KCNIP1: variants seen among roughly 807,000 people sequenced by gnomAD.
KCNIP1 encodes the protein A-type potassium channel modulatory protein KCNIP1.
A neutral mutation model predicts 33.0 loss-of-function variants in KCNIP1; 18 were observed. The ratio of observed to expected loss-of-function variants is 0.55; its 90% CI spans 0.38 to 0.81. The LOEUF (loss-of-function observed/expected upper bound fraction) is 0.81. Among genes scored for constraint, KCNIP1 ranks in the 30% least tolerant of loss-of-function variants. The pLI, the probability that KCNIP1 is intolerant of heterozygous loss-of-function variation, is 0.00. For missense variants in KCNIP1, 238 were observed against 271.6 expected (o/e 0.88, Z 0.87); for synonymous variants, 93 against 98.3 (o/e 0.95, Z 0.32).
intron 1 of KCNIP1, among the ~76,000 whole-genome samples, chr5:170,509,273 G>T (rs1754839570): frequency 6.6e-6 from 1 of 152,150 alleles, no homozygotes; most frequent in Non-Finnish European, 1.5e-5. Flanking sequence ...AATCACAAAG[G>T]TATGAGGAAC....
intron 1 of KCNIP1, among the ~76,000 whole-genome samples, chr5:170,354,532 G>T (rs1157988408): frequency 6.6e-6 from 1 of 152,168 alleles, no homozygotes; most frequent in African/African-American, 2.4e-5. Context: ...CTGCTTTCTT[G>T]GATCCCTGTC....
In KCNIP1 at chr5:170,508,233, C is replaced by T. The variant is rs377546352; in HGVS notation, c.61+3600C>T. Among the ~76,000 whole-genome samples the T allele has an allele frequency of 9.2e-5, 14 of 152,308 alleles. 1 individual carries two copies. In the East Asian group the frequency reaches 1.9e-3, roughly 21 times the overall value. On this transcript the variant is annotated intron_variant, in intron 1 of 7. Transcript: ENST00000328939. ...AGAACTTTCTGAAAGGGCTGAGCTT[C>T]GGATCTCCAGAATAGTCATAGCATA...
chr5:170,467,779 G>A (rs545996084), intron 1 of KCNIP1, among the ~76,000 whole-genome samples: 3 of 152,106 alleles, frequency 2.0e-5, no homozygotes, highest in East Asian at 3.9e-4. Context: ...TTAGCCAGGT[G>A]TGTTGGCGCC....
At chr5:170,550,769 T>G (rs998097060) in intron 1 of KCNIP1, among the ~76,000 whole-genome samples, 2 of 152,200 alleles carry the variant, frequency 1.3e-5, no homozygotes, top group African/African-American at 4.8e-5. Flanking sequence ...ATGACAATAA[T>G]GGTGATGACA....
chr5:170,356,244 T>C (rs1332337525), intron 1 of KCNIP1, among the ~76,000 whole-genome samples: 1 of 152,278 alleles, frequency 6.6e-6, no homozygotes, highest in Non-Finnish European at 1.5e-5. Flanking sequence ...CACTGAGTTC[T>C]AGATTTGCAG....
intron 1 of KCNIP1, chr5:170,422,601 C>T (rs1246924161): frequency 5.9e-5 from 9 of 152,004 alleles, no homozygotes; most frequent in Admixed American, 5.9e-4. Context: ...AAGATTGCCC[C>T]GTTAATAGGC....
At chr5:170,611,732 C>A (rs1395440245) in intron 1 of KCNIP1, among the ~76,000 whole-genome samples, 2 of 152,146 alleles carry the variant, frequency 1.3e-5, no homozygotes, top group African/African-American at 4.8e-5. Flanking sequence ...AGAGCAGGAA[C>A]TTTGGAGTCA....
intron 1 of KCNIP1, among the ~76,000 whole-genome samples, chr5:170,689,475 T>C (rs2113811821): frequency 6.6e-6 from 1 of 152,290 alleles, no homozygotes; most frequent in East Asian, 1.9e-4. Flanking sequence ...GGAGGTCAAA[T>C]AACTTGCCCA....
intron 1 of KCNIP1, among the ~76,000 whole-genome samples, chr5:170,704,233 T>C (rs1371716505): frequency 1.1e-5 from 1 of 94,428 alleles, no homozygotes; most frequent in Non-Finnish European, 2.0e-5. Flanking sequence ...GGATGCCTCC[T>C]GAAATTGCTG....
At chr5:170,651,318 A>C (rs747578547) in intron 1 of KCNIP1, among the ~76,000 whole-genome samples, 2 of 152,172 alleles carry the variant, frequency 1.3e-5, no homozygotes, top group African/African-American at 4.8e-5. Context: ...TGATTCTTAG[A>C]GTCCTATCTG....
At chr5:170,388,017 A>G (rs907656044) in intron 1 of KCNIP1, among the ~76,000 whole-genome samples, 1 of 147,318 alleles carries the variant, frequency 6.8e-6, no homozygotes, top group African/African-American at 2.6e-5. Flanking sequence ...CTGGCTAATC[A>G]GCCCCCCCCA....
intron 1 of KCNIP1, among the ~76,000 whole-genome samples, chr5:170,476,618 G>A (rs1044854913): frequency 7.2e-5 from 11 of 152,114 alleles, no homozygotes; most frequent in African/African-American, 4.8e-5. Flanking sequence ...TCAAAGTTAC[G>A]GTCTTGGGAT....
chr5:170,442,906 A>G (rs1272284942), intron 1 of KCNIP1, among the ~76,000 whole-genome samples: 1 of 152,136 alleles, frequency 6.6e-6, no homozygotes, highest in Admixed American at 6.5e-5. Context: ...ATTAAAGACA[A>G]TCCCAGAAAA....
At chr5:170,512,916 G>T (rs1161408894) in intron 1 of KCNIP1, among the ~76,000 whole-genome samples, 1 of 152,196 alleles carries the variant, frequency 6.6e-6, no homozygotes, top group East Asian at 1.9e-4. Flanking sequence ...CAGGCGTGGT[G>T]GCGGGCGCGT....
intron 1 of KCNIP1, among the ~76,000 whole-genome samples, chr5:170,418,652 A>C (rs1755395783): frequency 6.6e-6 from 1 of 152,200 alleles, no homozygotes; most frequent in Non-Finnish European, 1.5e-5. Flanking sequence ...CAGAGCTTTA[A>C]GAGTACTTTT....
chr5:170,592,746 A>G (rs1287554309), intron 1 of KCNIP1, among the ~76,000 whole-genome samples: 4 of 152,180 alleles, frequency 2.6e-5, no homozygotes, highest in African/African-American at 7.2e-5. Flanking sequence ...CTTCTGCAAA[A>G]TGGGGAGAGA....
At chr5:170,493,043 C>T (rs748392308) in intron 1 of KCNIP1, among the ~76,000 whole-genome samples, 13 of 152,224 alleles carry the variant, frequency 8.5e-5, no homozygotes, top group Non-Finnish European at 1.5e-4. Context: ...CCACCTCCCC[C>T]GGCCCCTTTC....
intron 1 of KCNIP1, chr5:170,483,812 C>T (rs755573645): frequency 6.6e-6 from 1 of 152,198 alleles, no homozygotes; most frequent in African/African-American, 2.4e-5. Context: ...AGGGAGCTTT[C>T]AGTCTACTGG....
intron 1 of KCNIP1, among the ~76,000 whole-genome samples, chr5:170,401,201 G>A (rs561150991): frequency 6.6e-6 from 1 of 152,342 alleles, no homozygotes; most frequent in Admixed American, 6.5e-5. Flanking sequence ...AGTCCCAGGA[G>A]CTACTTCCTG....
Sources: allele counts gnomAD v4.1 joint callset (sites outside exome capture counted in the v4.1 genomes callset), GRCh38; gene constraint gnomAD v4.1.1; transcripts MANE v1.5; gene names NCBI Gene and HGNC (gene_info 2026-07-23, HGNC 2026-07-21).